The following KCNN3 variants were observed in gnomAD, a reference collection of about 807,000 sequenced individuals.
The protein encoded by KCNN3 is potassium calcium-activated channel subfamily N member 3.
A neutral mutation model predicts 62.9 loss-of-function variants in KCNN3; 16 were observed. The observed-to-expected ratio is 0.25, with a 90% confidence interval of 0.17 to 0.39. KCNN3 has a LOEUF of 0.39. KCNN3 is among the 10% of genes least tolerant of loss of function. KCNN3 has a pLI of 1.00. For missense variants in KCNN3, 599 were observed against 949.4 expected, an observed-to-expected ratio of 0.63 and a Z score of 4.85; for synonymous variants, 370 against 389.2, an observed-to-expected ratio of 0.95 and a Z score of 0.58.
intron 5 of KCNN3, among the ~76,000 whole-genome samples, chr1:154,717,453 C>T (rs1222504320): frequency 1.3e-5 from 2 of 152,088 alleles, no homozygotes; most frequent in Non-Finnish European, 2.9e-5. Context: ...ACAAGAGCCA[C>T]GTCCAGGAAG....
chr1:154,848,873 G>C (rs1330555832), intron 1 of KCNN3, among the ~76,000 whole-genome samples: 1 of 152,096 alleles, frequency 6.6e-6, no homozygotes, highest in Non-Finnish European at 1.5e-5. Context: ...TCAGAGTTAC[G>C]GCAGCCCGAA....
rs955926287 is a variant in KCNN3, at chr1:154,758,999, C to T, written c.1448+12976G>A. Among the ~76,000 whole-genome samples, 5 of 152,162 alleles carry T rather than the reference C, an allele frequency of 3.3e-5. 1 individual carries two copies. In the East Asian group the frequency reaches 5.8e-4, roughly 18 times the overall value. ...ATTTTTGTATTTTTAATAGAGACAG[C>T]GTTTCGCCATGTTGGCCAGGGTGGT... On this transcript the variant is annotated intron_variant, in intron 3 of 7. Coordinates refer to ENST00000271915, the MANE Select transcript of KCNN3 (RefSeq NM_002249.6).
At chr1:154,823,736 C>G (rs1231550450) in intron 1 of KCNN3, among the ~76,000 whole-genome samples, 1 of 152,156 alleles carries the variant, frequency 6.6e-6, no homozygotes, top group South Asian at 2.1e-4. Context: ...TAGGGGAGCT[C>G]AAAGGAGGGA....
chr1:154,731,529 G>T (rs1221011347), intron 4 of KCNN3, among the ~76,000 whole-genome samples: 2 of 152,204 alleles, frequency 1.3e-5, no homozygotes, highest in Non-Finnish European at 2.9e-5. Flanking sequence ...AAGACGGAGT[G>T]GGGTGGGGAG....
At chr1:154,860,471 A>T (rs946671084) in intron 1 of KCNN3, among the ~76,000 whole-genome samples, 1 of 152,130 alleles carries the variant, frequency 6.6e-6, no homozygotes, top group African/African-American at 2.4e-5. Context: ...CCAGACCACA[A>T]ATTGCTAACT....
chr1:154,855,791 C>T (rs961448906), intron 1 of KCNN3, among the ~76,000 whole-genome samples: 1 of 152,298 alleles, frequency 6.6e-6, no homozygotes, highest in African/African-American at 2.4e-5. Flanking sequence ...ATTATTTTTC[C>T]GCCTGGGCTG....
At chr1:154,837,395 G>A (rs1455287312) in intron 1 of KCNN3, among the ~76,000 whole-genome samples, 2 of 151,820 alleles carry the variant, frequency 1.3e-5, no homozygotes, top group African/African-American at 4.8e-5. Flanking sequence ...CACCCGCCTC[G>A]GCCTCCCAAT....
intron 1 of KCNN3, among the ~76,000 whole-genome samples, chr1:154,830,513 G>A (rs1651338234): frequency 6.6e-6 from 1 of 152,246 alleles, no homozygotes; most frequent in Admixed American, 6.5e-5. Flanking sequence ...TGAGCTCAGG[G>A]CTTGGGGTCT....
At chr1:154,728,904 A>T (rs565058052) in intron 4 of KCNN3, among the ~76,000 whole-genome samples, 1 of 152,290 alleles carries the variant, frequency 6.6e-6, no homozygotes, top group Non-Finnish European at 1.5e-5. Context: ...GAGGACATGA[A>T]GGAAGTGCCA....
chr1:154,749,587 C>G (rs1019194064), intron 3 of KCNN3, among the ~76,000 whole-genome samples: 18 of 152,168 alleles, frequency 1.2e-4, no homozygotes, highest in Admixed American at 3.3e-4. Context: ...ACAGAGAAGA[C>G]AGGGTGCCAA....
intron 4 of KCNN3, among the ~76,000 whole-genome samples, chr1:154,728,706 A>G (rs1031760680): frequency 6.6e-6 from 1 of 151,302 alleles, no homozygotes; most frequent in African/African-American, 2.5e-5. Flanking sequence ...GGAGAGGTAA[A>G]GCTGGGCAGA....
In KCNN3 at chr1:154,869,827, C is replaced by T. The variant is rs1208768473; in HGVS notation, c.138G>A (p.Ala46=). 4.5e-6 allele frequency: 7 copies of T among 1,561,778 alleles called. No individual in the cohort carries two copies. Among genetic ancestry groups the T allele is most frequent in the Non-Finnish European group, 6.1e-6 (7 of 1,152,946 alleles). The change falls in exon 1 of 8, where the codon GCG becomes GCA. Residue 46 remains alanine, a synonymous_variant. Coordinates refer to ENST00000271915, the MANE Select transcript of KCNN3 (RefSeq NM_002249.6). This position sits in a 1 kb window ranked among gnomAD's most constrained non-coding sequence, Gnocchi z 6.1. ...GGGGCTGCTGGGGGGCTGCTGGTGGCGCTGGCGGTGGTGGCTGCTGCTGCT... is the reference window on the plus strand; with the variant it reads ...GGGGCTGCTGGGGGGCTGCTGGTGGTGCTGGCGGTGGTGGCTGCTGCTGCT... The part of the protein sequence containing the change: ...QQQQQQPPPP[A]PPAAPQQPLG...
chr1:154,752,208 A>G (rs570271188), intron 3 of KCNN3, among the ~76,000 whole-genome samples: 55 of 152,260 alleles, frequency 3.6e-4, no homozygotes, highest in African/African-American at 1.3e-3. Flanking sequence ...GCTTTTATCC[A>G]GTGCGTGATT....
intron 1 of KCNN3, among the ~76,000 whole-genome samples, chr1:154,867,493 A>G (rs1294593863): frequency 1.3e-5 from 2 of 152,096 alleles, no homozygotes; most frequent in Admixed American, 1.3e-4. Context: ...GTCGTCTGAC[A>G]GGTCTGCCCC....
At chr1:154,794,827 T>C (rs1250887724) in intron 2 of KCNN3, among the ~76,000 whole-genome samples, 1 of 152,180 alleles carries the variant, frequency 6.6e-6, no homozygotes, top group Non-Finnish European at 1.5e-5. Flanking sequence ...TTATGTCTGT[T>C]ATGGATGCAG....
intron 1 of KCNN3, among the ~76,000 whole-genome samples, chr1:154,838,668 A>C (rs184001254): frequency 2.6e-5 from 4 of 151,324 alleles, no homozygotes; most frequent in South Asian, 2.1e-4. Context: ...CCACCACCCT[A>C]CCCTCCAGAG....
At chr1:154,710,119 C>T (rs1700045476) in intron 7 of KCNN3, among the ~76,000 whole-genome samples, 1 of 152,186 alleles carries the variant, frequency 6.6e-6, no homozygotes, top group African/African-American at 2.4e-5. Context: ...GACTCCAAGC[C>T]CTCCCAGCTC....
chr1:154,812,868 G>A (rs561352058), intron 2 of KCNN3, among the ~76,000 whole-genome samples: 1 of 152,226 alleles, frequency 6.6e-6, no homozygotes, highest in African/African-American at 2.4e-5. Flanking sequence ...AGGGACAGAA[G>A]TTGTTCGGAC....
intron 2 of KCNN3, among the ~76,000 whole-genome samples, chr1:154,776,621 G>T (rs186343787): frequency 1.3e-5 from 2 of 152,072 alleles, no homozygotes; most frequent in African/African-American, 2.4e-5. Flanking sequence ...GTGTGGCCTC[G>T]CTCCCTCCCG....
Sources: allele counts gnomAD v4.1 joint callset (sites outside exome capture counted in the v4.1 genomes callset), GRCh38; gene constraint gnomAD v4.1.1; non-coding constraint Gnocchi (gnomAD v3.1); transcripts MANE v1.5; gene names NCBI Gene and HGNC (gene_info 2026-07-23, HGNC 2026-07-21).